Variants in RBMS1 observed in about 807,000 individuals in gnomAD.
RBMS1 encodes RNA binding motif single stranded interacting protein 1.
A neutral mutation model predicts 62.3 loss-of-function variants in RBMS1; 17 were observed. The observed-to-expected ratio is 0.27, with a 90% CI of 0.19 to 0.41. The LOEUF (loss-of-function observed/expected upper bound fraction) is 0.41, where lower values mean the gene tolerates loss of function less well. Among genes scored for constraint, RBMS1 ranks in the 10% least tolerant of loss-of-function variants. The pLI, the probability that RBMS1 is intolerant of heterozygous loss-of-function variation, is 1.00. For synonymous variants in RBMS1, 172 were observed against 170.0 expected, an observed-to-expected ratio of 1.01 and a Z score of -0.09; for missense variants, 334 against 504.5, an observed-to-expected ratio of 0.66 and a Z score of 3.24.
At chr2:160,390,332 G>A (rs912702792) in intron 1 of RBMS1, among the ~76,000 whole-genome samples, 24 of 152,204 alleles carry the variant, frequency 1.6e-4, no homozygotes, top group African/African-American at 5.5e-4. Context: ...ATAGGACGCT[G>A]TAGTTCTGTG....
At chr2:160,311,246 A>ATATCTATATATC (rs1689890577) in intron 4 of RBMS1, among the ~76,000 whole-genome samples, 1 of 127,962 alleles carries the variant, frequency 7.8e-6, no homozygotes, top group Non-Finnish European at 1.7e-5. Flanking sequence ...ATATATATAT[A>ATATCTATATATC]TATATATATA....
At chr2:160,415,839 T>C (rs773414623) in intron 1 of RBMS1, among the ~76,000 whole-genome samples, 1 of 152,074 alleles carries the variant, frequency 6.6e-6, no homozygotes, top group Non-Finnish European at 1.5e-5. Flanking sequence ...CTATTTCATT[T>C]AAAGAGGAGG....
intron 7 of RBMS1, among the ~76,000 whole-genome samples, chr2:160,285,650 CTA>C (rs1268874225): frequency 1.3e-5 from 2 of 150,412 alleles, no homozygotes; most frequent in Non-Finnish European, 3.0e-5. Context: ...AAAAAAAAAA[CTA>C]TTCAAAAGAG....
At chr2:160,275,510 C>T in intron 13 of RBMS1, 120 bp downstream of exon 13, 1 of 1,429,552 alleles carries the variant, frequency 7.0e-7, no homozygotes. Flanking sequence ...GATGCCTTGG[C>T]CACGATTAAA....
chr2:160,311,220 C>CTATATATCTATATATCTATATATCTATA lies in RBMS1; in HGVS notation c.402+1935_402+1936insTATAGATATATAGATATATAGATATATA, dbSNP rs1488544677. On this transcript the variant is annotated intron_variant, in intron 4 of 13. Coordinates refer to ENST00000348849, the MANE Select transcript of RBMS1 (RefSeq NM_016836.4). ...CAAAAAAAAAAAAAAATCTATCTAT[C>CTATATATCTATATATCTATATATCTATA]TATCTATCTATCTATATATATATAT... 2.6e-3 allele frequency among the ~76,000 whole-genome samples: 218 copies of CTATATATCTATATATCTATATATCTATA among 84,902 alleles called. 9 individuals are homozygous for CTATATATCTATATATCTATATATCTATA. The highest frequency in any genetic ancestry group is 2.9e-3 in the Non-Finnish European group (123 of 41,970). The allele number at this position is 84,902 out of a possible 152,430, so 55.7% of individuals were successfully genotyped here. A position where few individuals can be genotyped will look rare whatever the true frequency, so the allele number is the denominator to read the frequency against.
chr2:160,421,097 G>C (rs531328721), intron 1 of RBMS1, among the ~76,000 whole-genome samples: 15 of 151,626 alleles, frequency 9.9e-5, no homozygotes, highest in Non-Finnish European at 1.8e-4. Flanking sequence ...TCCTCTTCAA[G>C]GTACAGCAGG....
At chr2:160,344,830 T>G (rs145353011) in intron 2 of RBMS1, among the ~76,000 whole-genome samples, 6 of 152,134 alleles carry the variant, frequency 3.9e-5, no homozygotes. Flanking sequence ...GCTGGACACA[T>G]AGTAGATGCC....
At chr2:160,332,906 TTATA>T (rs1182796758) in intron 2 of RBMS1, among the ~76,000 whole-genome samples, 3 of 150,458 alleles carry the variant, frequency 2.0e-5, no homozygotes, top group South Asian at 2.1e-4. Flanking sequence ...AAAACATACT[TTATA>T]TGTGTATAAA....
At chr2:160,407,954 G>A in intron 1 of RBMS1, 1 of 977,592 alleles carries the variant, frequency 1.0e-6, no homozygotes, top group South Asian at 4.7e-5. Flanking sequence ...GCCTCGCGCC[G>A]CGCCCAGGCC....
chr2:160,407,649 A>G (rs1695823382), intron 1 of RBMS1: 1 of 978,008 alleles, frequency 1.0e-6, no homozygotes, highest in Non-Finnish European at 1.2e-6. Context: ...AGCTCTGGGA[A>G]CTCCCTCTCG....
intron 6 of RBMS1, among the ~76,000 whole-genome samples, chr2:160,288,005 A>G (rs574248590): frequency 6.6e-6 from 1 of 150,882 alleles, no homozygotes; most frequent in East Asian, 1.9e-4. Flanking sequence ...AAAGCAGAAG[A>G]TGTAGAGAAT....
chr2:160,311,249 T>TATATAG (rs1689892983), intron 4 of RBMS1, among the ~76,000 whole-genome samples: 2 of 141,806 alleles, frequency 1.4e-5, no homozygotes, highest in Non-Finnish European at 1.5e-5. Flanking sequence ...TATATATATA[T>TATATAG]ATATATATAG....
intron 4 of RBMS1, among the ~76,000 whole-genome samples, chr2:160,309,427 G>T (rs908820612): frequency 7.2e-5 from 11 of 152,178 alleles, no homozygotes; most frequent in African/African-American, 2.7e-4. Context: ...CTCTCCTAAG[G>T]ATGACTGGCA....
chr2:160,475,625 A>C (rs930212500), intron 1 of RBMS1, among the ~76,000 whole-genome samples: 4 of 152,192 alleles, frequency 2.6e-5, no homozygotes, highest in Admixed American at 1.3e-4. Flanking sequence ...CTTAAATACC[A>C]AGTTTGCGTA....
chr2:160,361,613 T>C (rs1039464981), intron 2 of RBMS1, among the ~76,000 whole-genome samples: 1 of 152,240 alleles, frequency 6.6e-6, no homozygotes, highest in Non-Finnish European at 1.5e-5. Context: ...TAGCTTATTA[T>C]GTAATAACAT....
chr2:160,488,711 T>C (rs1685698904), intron 1 of RBMS1, among the ~76,000 whole-genome samples: 1 of 152,240 alleles, frequency 6.6e-6, no homozygotes, highest in Admixed American at 6.5e-5. Context: ...TTTGAACAAC[T>C]GACAGGTCAT....
At chr2:160,358,258 C>G (rs1225130715) in intron 2 of RBMS1, among the ~76,000 whole-genome samples, 1 of 152,092 alleles carries the variant, frequency 6.6e-6, no homozygotes, top group Non-Finnish European at 1.5e-5. Context: ...CAACATGGAA[C>G]CTTACTGGAA....
At chr2:160,358,625 C>T (rs143471664) in intron 2 of RBMS1, among the ~76,000 whole-genome samples, 41 of 152,052 alleles carry the variant, frequency 2.7e-4, no homozygotes, top group African/African-American at 7.2e-4. Context: ...ATTTATAAAA[C>T]AAAATTTGTA....
intron 1 of RBMS1, among the ~76,000 whole-genome samples, chr2:160,376,804 CAAATAAATAAAT>C (rs144445931): frequency 1.3e-5 from 2 of 150,830 alleles, no homozygotes; most frequent in African/African-American, 2.4e-5. Context: ...TCTGGCTAAT[CAAATAAATAAAT>C]AAATAAATAA....
Sources: gnomAD v4.1 joint callset for allele counts (sites outside exome capture counted in the v4.1 genomes callset) on GRCh38, gnomAD v4.1.1 for gene constraint, MANE v1.5 for transcripts, NCBI Gene and HGNC (gene_info 2026-07-23, HGNC 2026-07-21) for gene names.